The following EPB41L4A variants were observed in gnomAD, a reference collection of about 807,000 sequenced individuals.
EPB41L4A encodes band 4.1-like protein 4A.
A neutral mutation model predicts 108.6 loss-of-function variants in EPB41L4A; 100 were observed. The observed-to-expected ratio is 0.92, with a 90% CI of 0.78 to 1.09. The LOEUF is 1.09. Among genes scored for constraint, EPB41L4A ranks in the 50% least tolerant of loss-of-function variants. The pLI is 0.00. For missense variants in EPB41L4A, 1,030 were observed against 842.7 expected, an observed-to-expected ratio of 1.22 and a Z score of -2.75; for synonymous variants, 319 against 289.0, an observed-to-expected ratio of 1.10 and a Z score of -1.05.
chr5:112,349,051 A>C (rs950651450), intron 1 of EPB41L4A, among the ~76,000 whole-genome samples: 24 of 152,214 alleles, frequency 1.6e-4, no homozygotes, highest in Admixed American at 2.0e-4. Flanking sequence ...CTCCCAGGAA[A>C]GTAGGAGTAG....
intron 12 of EPB41L4A, among the ~76,000 whole-genome samples, chr5:112,217,158 G>A (rs1747709189): frequency 6.6e-6 from 1 of 151,930 alleles, no homozygotes; most frequent in African/African-American, 2.4e-5. Context: ...TGCCCAGGCT[G>A]GTCTTGAACT....
chr5:112,161,607 A>C (rs765119249), downstream of EPB41L4A: 1 of 519,154 alleles, frequency 1.9e-6, no homozygotes, highest in South Asian at 1.4e-5. Context: ...GGAGCTGCAT[A>C]AGTAACAGTT....
rs1365433606 is a variant in EPB41L4A at position 112,240,817 on chromosome 5, G to C, written c.796-7C>G. ...AGAATGAGGTTTCGTTACACTAAGA[G>C]AGAAAGAGAGACAGAATATGAATAA... is the stretch of plus-strand genomic sequence containing the variant. On this transcript the variant is annotated splice_region_variant and splice_polypyrimidine_tract_variant and intron_variant, in intron 9 of 22. Transcript: ENST00000261486. The C allele has an allele frequency of 6.5e-7, 1 of 1,535,812 alleles. No individual in the cohort carries two copies. Among genetic ancestry groups the C allele is most frequent in the Non-Finnish European group, 8.8e-7 (1 of 1,130,766 alleles).
intron 4 of EPB41L4A, among the ~76,000 whole-genome samples, chr5:112,271,227 TAAG>T (rs1418189206): frequency 1.3e-5 from 2 of 152,158 alleles, no homozygotes; most frequent in South Asian, 2.1e-4. Flanking sequence ...GCACCTACAA[TAAG>T]AAGGATATGA....
At chr5:112,175,722 A>ATG (rs61692111) in intron 18 of EPB41L4A, among the ~76,000 whole-genome samples, 65 of 151,014 alleles carry the variant, frequency 4.3e-4, no homozygotes, top group African/African-American at 1.4e-3. Flanking sequence ...ATCTGAAGAT[A>ATG]TGTGTGTGTG....
intron 9 of EPB41L4A, chr5:112,250,772 A>G (rs1750600135): frequency 6.6e-6 from 1 of 152,186 alleles, no homozygotes; most frequent in Non-Finnish European, 1.5e-5. Flanking sequence ...GCCAAGAACA[A>G]GGTGATTCCA....
At chr5:112,327,009 A>AG (rs1756210067) in intron 1 of EPB41L4A, among the ~76,000 whole-genome samples, 1 of 152,196 alleles carries the variant, frequency 6.6e-6, no homozygotes, top group South Asian at 2.1e-4. Context: ...TTTAATACTG[A>AG]GGTACTAAAT....
At chr5:112,408,805 C>G (rs1469886132) in intron 1 of EPB41L4A, among the ~76,000 whole-genome samples, 1 of 149,864 alleles carries the variant, frequency 6.7e-6, no homozygotes, top group Non-Finnish European at 1.5e-5. Flanking sequence ...TACTTCACAC[C>G]CAATAGGATG....
intron 13 of EPB41L4A, among the ~76,000 whole-genome samples, chr5:112,208,919 G>C (rs1162434298): frequency 6.6e-6 from 1 of 152,124 alleles, no homozygotes; most frequent in African/African-American, 2.4e-5. Context: ...GTAAACTAAA[G>C]TTATGCAATG....
downstream of EPB41L4A, chr5:112,161,504 C>G (rs753811480): frequency 1.9e-6 from 1 of 519,124 alleles, no homozygotes. Flanking sequence ...GTTGCCCATT[C>G]ACTTTGGAAA....
chr5:112,313,853 ACTTT>A (rs1755213431), intron 1 of EPB41L4A, among the ~76,000 whole-genome samples: 1 of 140,686 alleles, frequency 7.1e-6, no homozygotes, highest in Admixed American at 7.0e-5. Flanking sequence ...AAAAAAGGTA[ACTTT>A]CTTTTTTTTT....
chr5:112,271,186 G>A (rs1388407169), intron 4 of EPB41L4A, among the ~76,000 whole-genome samples: 2 of 152,186 alleles, frequency 1.3e-5, no homozygotes, highest in Non-Finnish European at 2.9e-5. Context: ...GCAGGCTAGA[G>A]GGGATAGTAA....
At chr5:112,410,053 T>C (rs1762320836) in intron 1 of EPB41L4A, among the ~76,000 whole-genome samples, 1 of 152,172 alleles carries the variant, frequency 6.6e-6, no homozygotes, top group African/African-American at 2.4e-5. Context: ...CAGCTCCGCA[T>C]CAAGGAGAAG....
chr5:112,209,166 A>C (rs1032788972), intron 13 of EPB41L4A, among the ~76,000 whole-genome samples: 1 of 152,246 alleles, frequency 6.6e-6, no homozygotes, highest in Non-Finnish European at 1.5e-5. Flanking sequence ...CAGGTCACAT[A>C]TCTCTGATTG....
chr5:112,158,120 T>C (rs1759713622), downstream of EPB41L4A, among the ~76,000 whole-genome samples: 1 of 152,114 alleles, frequency 6.6e-6, no homozygotes. Flanking sequence ...CTGCCTAATT[T>C]TGGAAAGTTT....
At chr5:112,329,567 A>G (rs1324707987) in intron 1 of EPB41L4A, among the ~76,000 whole-genome samples, 1 of 152,226 alleles carries the variant, frequency 6.6e-6, no homozygotes, top group Non-Finnish European at 1.5e-5. Context: ...TCATCATTTT[A>G]AACAATGAAG....
At chr5:112,334,241 C>T (rs1428820065) in intron 1 of EPB41L4A, among the ~76,000 whole-genome samples, 1 of 152,020 alleles carries the variant, frequency 6.6e-6, no homozygotes, top group African/African-American at 2.4e-5. Flanking sequence ...AATAGCAGAC[C>T]CTAAAAGGAA....
At chr5:112,298,935 A>T (rs1243983556) in intron 2 of EPB41L4A, among the ~76,000 whole-genome samples, 2 of 152,134 alleles carry the variant, frequency 1.3e-5, no homozygotes, top group Non-Finnish European at 2.9e-5. Context: ...TATGCACGTA[A>T]ATGTGTTCAT....
intron 6 of EPB41L4A, 69 bp downstream of exon 6, chr5:112,264,827 T>G: frequency 6.7e-7 from 1 of 1,498,514 alleles, no homozygotes; most frequent in Non-Finnish European, 9.0e-7. Context: ...TTCTAGAAAC[T>G]TTTCTTGTGA....
Sources: gnomAD v4.1 joint callset for allele counts (sites outside exome capture counted in the v4.1 genomes callset) on GRCh38, gnomAD v4.1.1 for gene constraint, MANE v1.5 for transcripts, NCBI Gene and HGNC (gene_info 2026-07-23, HGNC 2026-07-21) for gene names.